TAGLN2: variants seen among roughly 807,000 people sequenced by gnomAD.
TAGLN2 encodes the protein transgelin 2, also known as transgelin-2.
Under a neutral mutation model 24.9 loss-of-function variants are expected in TAGLN2, and 14 were observed. The observed-to-expected ratio is 0.56, with a 90% confidence interval of 0.37 to 0.88. The LOEUF (loss-of-function observed/expected upper bound fraction) is 0.88. TAGLN2 is among the 40% of genes least tolerant of loss of function. The pLI, the probability that TAGLN2 is intolerant of heterozygous loss-of-function variation, is 0.00. For synonymous variants in TAGLN2, 77 were observed against 98.2 expected (o/e 0.78, Z 1.28); for missense variants, 208 against 258.9 (o/e 0.80, Z 1.35).
At position 159,924,139 on chromosome 1, in the gene TAGLN2, G is replaced by A. The variant is rs1650627461; in HGVS notation, c.-29+1311C>T. ...AGCTGAAAATTCTGGAGGGAGAAGG[G>A]ATGGAATGAAGAAAGGATTAGGGGC... On this transcript the variant is annotated intron_variant, in intron 1 of 4. Transcript: ENST00000368097. 2.0e-5 allele frequency among the ~76,000 whole-genome samples: 3 copies of A among 152,264 alleles called. No individual in the cohort carries two copies. The South Asian group carries it at 6.2e-4, about 32-fold the overall frequency.
intron 1 of TAGLN2, chr1:159,924,661 C>A (rs1019639095): frequency 1.3e-5 from 2 of 152,228 alleles, no homozygotes; most frequent in African/African-American, 4.8e-5. Context: ...GCCCTCCCGC[C>A]GCTGGGGTGA....
chr1:159,923,420 TGGGCTGGAA>T (rs1238269850), intron 1 of TAGLN2: 211 of 1,549,712 alleles, frequency 1.4e-4, no homozygotes, highest in Non-Finnish European at 1.8e-4. Context: ...ACCCAGACCC[TGGGCTGGAA>T]GCTTACCTCA....
rs1214556109 is a variant in TAGLN2, at chr1:159,919,805, G to T, written c.211C>A (p.Pro71Thr). ...TTCTTTACTGGGGCCTGCCCCTCGG[G>T]GTACAGTGCATTAATGAGCTCACAT... ...VLCELINALY[P>T]EGQAPVKKIQ... The change falls in exon 3 of 5, where the codon CCC becomes ACC. Residue 71 changes from proline (P) to threonine (T), a missense_variant. Transcript: ENST00000368097. The T allele has an allele frequency of 6.2e-7, 1 of 1,614,046 alleles. No individual in the cohort carries two copies. The highest frequency in any genetic ancestry group is 1.3e-5 in the African/African-American group (1 of 74,916).
At chr1:159,922,972 A>G (rs1278522986) in intron 1 of TAGLN2, among the ~76,000 whole-genome samples, 1 of 152,210 alleles carries the variant, frequency 6.6e-6, no homozygotes, top group Non-Finnish European at 1.5e-5. Flanking sequence ...CATTGCCCTC[A>G]AGCTCTGAGG....
chr1:159,923,389 C>A, intron 1 of TAGLN2: 1 of 1,543,198 alleles, frequency 6.5e-7, no homozygotes, highest in Non-Finnish European at 8.7e-7. Context: ...CGGGGAGGGG[C>A]CACGCAAGGC....
intron 2 of TAGLN2, 139 bp from the exon 3 acceptor site, chr1:159,919,974 A>G: frequency 3.1e-6 from 3 of 976,534 alleles, no homozygotes; most frequent in Non-Finnish European, 4.7e-6. Context: ...CTTTCACTAG[A>G]GTAAGCCTCA....
At chr1:159,923,406 C>G in intron 1 of TAGLN2, 1 of 1,548,438 alleles carries the variant, frequency 6.5e-7, no homozygotes, top group Non-Finnish European at 8.7e-7. Context: ...AGGCACTCGG[C>G]CCCACCCAGA....
rs148046317 is a variant in TAGLN2, at chr1:159,918,849, G to A, written c.551C>T (p.Ala184Val). 1.5e-5 allele frequency: 24 copies of A among 1,614,200 alleles called. No homozygotes were observed. The East Asian group carries it at 2.9e-4, about 19-fold the overall frequency. Residue 184 changes from alanine (A) to valine (V), a missense_variant, in exon 5 of 5, where the codon GCG (alanine) becomes GTG (valine). Coordinates refer to ENST00000368097, the MANE Select transcript of TAGLN2 (RefSeq NM_003564.3). ...IGLQMGTNRG[A>V]SQAGMTGYGM... is the part of the protein sequence containing the mutation. The stretch of plus-strand genomic sequence containing the variant: ...GTAGCCAGTCATGCCTGCCTGAGAC[G>A]CCCCGCGGTTGGTGCCCATCTGTAA...
intron 1 of TAGLN2, among the ~76,000 whole-genome samples, chr1:159,922,797 C>T (rs1193319219): frequency 6.6e-6 from 1 of 152,206 alleles, no homozygotes; most frequent in East Asian, 1.9e-4. Context: ...CAGACACTTC[C>T]AGTGCCCCCC....
chr1:159,920,636 C>G, intron 1 of TAGLN2, 99 bp from the exon 2 acceptor site: 3 of 1,487,968 alleles, frequency 2.0e-6, no homozygotes, highest in Non-Finnish European at 2.7e-6. Flanking sequence ...CCATTTCCCC[C>G]ACGGTGAGCC....
Position 159,919,675 on chromosome 1 carries a change from A to G in TAGLN2, c.341T>C (p.Val114Ala), listed in dbSNP as rs754415783. The change falls in exon 3 of 5, where the codon GTG becomes GCG. Residue 114 changes from valine to alanine, a missense_variant. Transcript: ENST00000368097. ...GINTTDIFQT[V>A]DLWEGKNMAC... ...CCCTGTCCCACCTTCCCAGAGGTCC[A>G]CAGTTTGGAAGATGTCAGTGGTGTT... is the stretch of plus-strand genomic sequence containing the variant. The G allele has an allele frequency of 6.2e-7, 1 of 1,612,868 alleles. No individual in the cohort carries two copies. Among genetic ancestry groups the G allele is most frequent in the Non-Finnish European group, 8.5e-7 (1 of 1,179,810 alleles).
In TAGLN2 at chr1:159,920,526, G is replaced by A; in HGVS notation, c.-17C>T. The A allele has an allele frequency of 2.5e-6, 4 of 1,613,728 alleles. No individual in the cohort carries two copies. Among genetic ancestry groups the A allele is most frequent in the Non-Finnish European group, 3.4e-6 (4 of 1,179,642 alleles). Reference sequence around the variant, plus strand: ...GTTGGCCATTCCAATGGGTGGCGGTGGCTGCGGGGAGCTAGGGAGAGGACA... The same window carrying A: ...GTTGGCCATTCCAATGGGTGGCGGTAGCTGCGGGGAGCTAGGGAGAGGACA... On this transcript the variant is annotated 5_prime_UTR_variant, in exon 2 of 5. Coordinates refer to ENST00000368097, the MANE Select transcript of TAGLN2 (RefSeq NM_003564.3).
At chr1:159,920,632 C>T (rs1650501049) in intron 1 of TAGLN2, 95 bp from the exon 2 acceptor site, 2 of 1,492,564 alleles carry the variant, frequency 1.3e-6, no homozygotes, top group African/African-American at 1.4e-5. Context: ...TACACCATTT[C>T]CCCCACGGTG....
intron 1 of TAGLN2, 120 bp from the exon 2 acceptor site, chr1:159,920,657 G>C: frequency 6.8e-7 from 1 of 1,461,570 alleles, no homozygotes. Flanking sequence ...CCAAGGATGA[G>C]GACCAGAACT....
At chr1:159,924,288 C>T (rs766624945) in intron 1 of TAGLN2, among the ~76,000 whole-genome samples, 1 of 152,154 alleles carries the variant, frequency 6.6e-6, no homozygotes, top group Non-Finnish European at 1.5e-5. Context: ...CCTTGGCCTC[C>T]TCTGCAGTTG....
intron 1 of TAGLN2, among the ~76,000 whole-genome samples, chr1:159,921,699 G>A (rs1335244907): frequency 6.6e-6 from 1 of 152,242 alleles, no homozygotes; most frequent in African/African-American, 2.4e-5. Context: ...AAATACACAG[G>A]AGGGTTTCTT....
At chr1:159,923,736 G>A in intron 1 of TAGLN2, 1 of 404,434 alleles carries the variant, frequency 2.5e-6, no homozygotes, top group Non-Finnish European at 4.4e-6. Flanking sequence ...GAGCAGAAGA[G>A]AAAGCTGAGG....
chr1:159,923,841 TG>T lies in TAGLN2; in HGVS notation c.-29+1608del, dbSNP rs1348908759. 1.8e-5 allele frequency: 4 copies of T among 224,484 alleles called. No homozygotes were observed. In the Admixed American group the frequency reaches 2.3e-4, roughly 13 times the overall value. The allele number at this position is 224,484 out of a possible 1,614,324, so 13.9% of individuals were successfully genotyped here. A position where few individuals can be genotyped will look rare whatever the true frequency, so the allele number is the denominator to read the frequency against. On this transcript the variant is annotated intron_variant, in intron 1 of 4. Transcript: ENST00000368097. ...CTGTGTACCAAACAGTGTTGGAGGC[TG>T]GGTGGGGGCTCCGGGCAGAAACACC...
At chr1:159,924,730 C>A (rs1467452059) in intron 1 of TAGLN2, among the ~76,000 whole-genome samples, 2 of 152,154 alleles carry the variant, frequency 1.3e-5, no homozygotes, top group Non-Finnish European at 1.5e-5. Flanking sequence ...TTCCCAGCAG[C>A]AGGGGGCACC....
Sources: allele counts gnomAD v4.1 joint callset (sites outside exome capture counted in the v4.1 genomes callset), GRCh38; gene constraint gnomAD v4.1.1; transcripts MANE v1.5; gene names NCBI Gene and HGNC (gene_info 2026-07-23, HGNC 2026-07-21).